DLG2: variants seen among roughly 807,000 people sequenced by gnomAD.
DLG2 encodes discs large MAGUK scaffold protein 2, also known as disks large homolog 2.
A neutral mutation model predicts 132.5 loss-of-function variants in DLG2; 45 were observed. The observed-to-expected ratio is 0.34, with a 90% CI of 0.27 to 0.44. The LOEUF is 0.44. Among genes scored for constraint, DLG2 ranks in the 20% least tolerant of loss-of-function variants. DLG2 has a pLI of 1.00. For synonymous variants in DLG2, 424 were observed against 419.6 expected (o/e 1.01, Z -0.13); for missense variants, 1,045 against 1,196.9 (o/e 0.87, Z 1.87).
intron 6 of DLG2, among the ~76,000 whole-genome samples, chr11:84,908,235 C>T (rs1156413926): frequency 1.3e-5 from 2 of 152,092 alleles, no homozygotes; most frequent in Non-Finnish European, 2.9e-5. Flanking sequence ...AATTTTAATA[C>T]TACATTTTAT....
Position 84,589,643 on chromosome 11 carries a change from C to T in DLG2, c.358-54912G>A, listed in dbSNP as rs867210140. 3.3e-5 allele frequency among the ~76,000 whole-genome samples: 5 copies of T among 152,118 alleles called. No individual in the cohort carries two copies. In the East Asian group the frequency reaches 9.6e-4, roughly 29 times the overall value. ...CTTTTGTCTTGAGTCTTATCAATTA[C>T]ACATTCTTCTATTATAACATGCATC... On this transcript the variant is annotated intron_variant, in intron 6 of 27. Transcript: ENST00000376104.
At position 84,844,089 on chromosome 11, in the gene DLG2, A is replaced by G. The variant is rs866015262; in HGVS notation, c.357+267572T>C. Among the ~76,000 whole-genome samples, 173 of 81,628 alleles carry G rather than the reference A, an allele frequency of 2.1e-3. 1 individual carries two copies. The highest frequency in any genetic ancestry group is 4.4e-3 in the African/African-American group (104 of 23,792). 53.6% of individuals were successfully genotyped at this position (81,628 alleles called of 152,430 possible). ...TTTGTGTGTGTGTGTGTGTGTGTATATATATATATATATGTTTGTGTGTGT... is the reference window on the plus strand; with the variant it reads ...TTTGTGTGTGTGTGTGTGTGTGTATGTATATATATATATGTTTGTGTGTGT... On this transcript the variant is annotated intron_variant, in intron 6 of 27. Transcript: ENST00000376104.
intron 4 of DLG2, among the ~76,000 whole-genome samples, chr11:85,190,060 T>C (rs1308391123): frequency 6.6e-6 from 1 of 152,226 alleles, no homozygotes; most frequent in Non-Finnish European, 1.5e-5. Flanking sequence ...TCTAATGCTT[T>C]AGACCCTTCA....
intron 6 of DLG2, among the ~76,000 whole-genome samples, chr11:85,057,981 GT>G (rs1266045822): frequency 2.0e-5 from 3 of 151,406 alleles, no homozygotes; most frequent in African/African-American, 7.3e-5. Context: ...TTATATTAAT[GT>G]GAAATATTAG....
chr11:83,599,882 T>C (rs1342603941), intron 19 of DLG2, among the ~76,000 whole-genome samples: 1 of 152,236 alleles, frequency 6.6e-6, no homozygotes, highest in Non-Finnish European at 1.5e-5. Flanking sequence ...TGAGGGGCTG[T>C]AGAGATATCT....
At chr11:84,634,961 C>T (rs2099638155) in intron 6 of DLG2, among the ~76,000 whole-genome samples, 1 of 152,196 alleles carries the variant, frequency 6.6e-6, no homozygotes, top group Non-Finnish European at 1.5e-5. Context: ...ATGAAGACTA[C>T]AGGGTCAATC....
intron 9 of DLG2, among the ~76,000 whole-genome samples, chr11:84,114,467 A>G (rs1249065380): frequency 6.6e-6 from 1 of 152,194 alleles, no homozygotes; most frequent in East Asian, 1.9e-4. Flanking sequence ...GAACTCAAGG[A>G]GCTGAGGCAG....
chr11:85,012,750 C>T (rs1039330639), intron 6 of DLG2, among the ~76,000 whole-genome samples: 6 of 152,070 alleles, frequency 3.9e-5, no homozygotes, highest in African/African-American at 1.4e-4. Flanking sequence ...ACTCCATTTA[C>T]TAAAATATCA....
At chr11:84,586,600 T>C (rs950655964) in intron 6 of DLG2, among the ~76,000 whole-genome samples, 5 of 152,182 alleles carry the variant, frequency 3.3e-5, no homozygotes, top group African/African-American at 1.2e-4. Flanking sequence ...GTTTAATCTA[T>C]TTATATTTGT....
chr11:84,482,293 C>T (rs913384633), intron 7 of DLG2, among the ~76,000 whole-genome samples: 1 of 152,126 alleles, frequency 6.6e-6, no homozygotes, highest in Non-Finnish European at 1.5e-5. Flanking sequence ...TTCTTTATTT[C>T]TATAATATAG....
In DLG2 at chr11:84,534,702, T is replaced by G. The variant is rs374376225; in HGVS notation, c.387A>C (p.Pro129=). 6.2e-7 allele frequency: 1 copy of G among 1,614,062 alleles called. No individual in the cohort carries two copies. The highest frequency in any genetic ancestry group is 8.5e-7 in the Non-Finnish European group (1 of 1,179,936). The change falls in exon 7 of 28, where the codon CCA becomes CCC. Residue 129 remains proline, a synonymous_variant. Transcript: ENST00000376104. Reference sequence around the variant, plus strand: ...TTAGTCGAGGTAAGGAATGATCATGTGGAGCGTCCTCATCTTGATATCGAT... The same window carrying G: ...TTAGTCGAGGTAAGGAATGATCATGGGGAGCGTCCTCATCTTGATATCGAT... ...TKYRYQDEDA[P]HDHSLPRLTH...
rs200073489 is a variant in DLG2, at chr11:83,962,895, C to T, written c.1330G>A (p.Asp444Asn). The T allele has an allele frequency of 5.3e-5, 85 of 1,612,618 alleles. No homozygotes were observed. Among genetic ancestry groups the T allele is most frequent in the Non-Finnish European group, 6.5e-5 (77 of 1,179,020 alleles). ...ACAGGCATATCTGACCTGGTGTAGT[C>T]GTCGTCAACAAGCATGTGCTTTGGA... ...PIPKHMLVDDDYTRPPEPVYS... is the reference protein window; with the variant it reads ...PIPKHMLVDDNYTRPPEPVYS... Residue 444 changes from aspartate (D) to asparagine (N), a missense_variant, in exon 14 of 28, where the codon GAC (aspartate) becomes AAC (asparagine). By Grantham distance (23) the Asp-to-Asn change is conservative (BLOSUM62 1). Around this residue, in one of 4 missense-constraint regions of DLG2, gnomAD observed 261 missense variants for 256.1 expected, o/e 1.02. Transcript: ENST00000376104.
chr11:85,364,263 C>T (rs1565382301), intron 3 of DLG2, among the ~76,000 whole-genome samples: 2 of 152,090 alleles, frequency 1.3e-5, no homozygotes, highest in Non-Finnish European at 2.9e-5. Context: ...TTAGGCCTTA[C>T]TATTATGGTG....
intron 6 of DLG2, among the ~76,000 whole-genome samples, chr11:84,789,912 G>A (rs2073545214): frequency 6.6e-6 from 1 of 152,060 alleles, no homozygotes; most frequent in Non-Finnish European, 1.5e-5. Flanking sequence ...GAAGTGTCAG[G>A]ATCTCATTCC....
chr11:84,648,122 T>C (rs960197899), intron 6 of DLG2, among the ~76,000 whole-genome samples: 1 of 152,198 alleles, frequency 6.6e-6, no homozygotes, highest in East Asian at 1.9e-4. Flanking sequence ...ACAAAACCTA[T>C]GCTCTTATAC....
Position 84,615,836 on chromosome 11 carries a change from AAAAAC to A in DLG2, c.358-81110_358-81106del, listed in dbSNP as rs1296083989. Among the ~76,000 whole-genome samples, 34 of 147,770 alleles carry A rather than the reference AAAAAC, an allele frequency of 2.3e-4. 1 individual carries two copies. Among genetic ancestry groups the A allele is most frequent in the Middle Eastern group, 3.4e-3 (1 of 290 alleles). On this transcript the variant is annotated intron_variant, in intron 6 of 27. Coordinates refer to ENST00000376104, the MANE Select transcript of DLG2 (RefSeq NM_001142699.3). ...AAAACGGTAAAAAAAAAAAAAAAAA[AAAAAC>A]TTCATTCCAGTACCCCATGTAATAT... is the stretch of plus-strand genomic sequence containing the variant.
At chr11:83,878,709 T>C (rs1265932341) in intron 15 of DLG2, among the ~76,000 whole-genome samples, 1 of 152,130 alleles carries the variant, frequency 6.6e-6, no homozygotes, top group Non-Finnish European at 1.5e-5. Flanking sequence ...TTCATGAAGA[T>C]TTAAGTGACA....
intron 17 of DLG2, among the ~76,000 whole-genome samples, chr11:83,802,374 A>ATGTG (rs1260279090): frequency 6.6e-6 from 1 of 151,998 alleles, no homozygotes; most frequent in South Asian, 2.1e-4. Flanking sequence ...CTGAGATGAG[A>ATGTG]TGTGTGTGTG....
chr11:85,434,759 G>T (rs2091385830), intron 3 of DLG2, among the ~76,000 whole-genome samples: 1 of 152,142 alleles, frequency 6.6e-6, no homozygotes, highest in Non-Finnish European at 1.5e-5. Flanking sequence ...ACAGGAGCTG[G>T]TACCATTCCC....
Sources: gnomAD v4.1 joint callset for allele counts (sites outside exome capture counted in the v4.1 genomes callset) on GRCh38, gnomAD v4.1.1 for gene constraint, gnomAD v4.1.1 regional missense constraint, MANE v1.5 for transcripts, NCBI Gene and HGNC (gene_info 2026-07-23, HGNC 2026-07-21) for gene names.